The following RARB variants were observed in gnomAD, a reference collection of about 807,000 sequenced individuals.
The protein encoded by RARB is retinoic acid receptor beta.
Under a neutral mutation model 51.9 loss-of-function variants are expected in RARB, and 17 were observed. That is an observed-to-expected ratio of 0.33 (90% CI 0.22 to 0.49). RARB has a LOEUF of 0.49. Ranked by LOEUF, RARB falls within the 20% of genes least tolerant of loss-of-function variation. The pLI, the probability that RARB is intolerant of heterozygous loss-of-function variation, is 0.99. For synonymous variants in RARB, 215 were observed against 195.4 expected, an observed-to-expected ratio of 1.10 and a Z score of -0.84; for missense variants, 369 against 550.8, an observed-to-expected ratio of 0.67 and a Z score of 3.30.
At chr3:25,428,246 T>A (rs577942347), upstream of RARB, 3 of 1,232,162 alleles carry the variant, frequency 2.4e-6, no homozygotes, top group South Asian at 1.2e-4. Flanking sequence ...ATTAGGCAAT[T>A]CAATCTTTCA....
intron 2 of RARB, among the ~76,000 whole-genome samples, chr3:24,885,981 T>C (rs1703259020): frequency 6.6e-6 from 1 of 152,198 alleles, no homozygotes; most frequent in Admixed American, 6.5e-5. Flanking sequence ...TTTAGGGGAC[T>C]TTCAAGGGTA....
chr3:25,291,476 C>CTTTTT (rs199605013), intron 5 of RARB, among the ~76,000 whole-genome samples: 12,845 of 124,972 alleles, frequency 0.1, 848 homozygotes, highest in South Asian at 0.2. Flanking sequence ...CAGATGTTTG[C>CTTTTT]TTTTTTTTTT....
chr3:24,907,095 C>G (rs958730342), intron 2 of RARB, among the ~76,000 whole-genome samples: 1 of 151,962 alleles, frequency 6.6e-6, no homozygotes, highest in Admixed American at 6.6e-5. Context: ...TGGAGCACCC[C>G]CCATGTGATA....
chr3:25,410,076 G>A (rs376030601), intron 5 of RARB, among the ~76,000 whole-genome samples: 109 of 152,192 alleles, frequency 7.2e-4, no homozygotes, highest in African/African-American at 2.4e-3. Flanking sequence ...CCTATAATCC[G>A]TTCATCATTC....
intron 5 of RARB, among the ~76,000 whole-genome samples, chr3:25,228,095 A>G (rs1702094613): frequency 6.6e-6 from 1 of 152,044 alleles, no homozygotes; most frequent in Non-Finnish European, 1.5e-5. Flanking sequence ...CAAAAACTTC[A>G]CCAGAATATA....
intron 5 of RARB, among the ~76,000 whole-genome samples, chr3:25,349,456 T>G (rs1190569593): frequency 6.6e-6 from 1 of 152,206 alleles, no homozygotes; most frequent in Non-Finnish European, 1.5e-5. Flanking sequence ...AACTTCCTAC[T>G]TACAGAATTA....
intron 5 of RARB, among the ~76,000 whole-genome samples, chr3:25,421,946 A>G (rs1707875631): frequency 6.6e-6 from 1 of 152,182 alleles, no homozygotes; most frequent in African/African-American, 2.4e-5. Context: ...CTTTGAGAGC[A>G]CTATGCTGCA....
At chr3:24,972,126 A>G (rs187300163) in intron 2 of RARB, among the ~76,000 whole-genome samples, 3 of 151,982 alleles carry the variant, frequency 2.0e-5, no homozygotes, top group Admixed American at 2.0e-4. Flanking sequence ...CCATTAATCA[A>G]CCTCTCTTCA....
chr3:25,022,990 G>T (rs986102520), intron 2 of RARB, among the ~76,000 whole-genome samples: 4 of 152,176 alleles, frequency 2.6e-5, no homozygotes, highest in African/African-American at 9.7e-5. Context: ...AGATTGATCA[G>T]ATTTGCCCAA....
In RARB at chr3:25,116,431, C is replaced by CA. The variant is rs34050176; in HGVS notation, c.-327-15722dup. On this transcript the variant is annotated intron_variant, in intron 3 of 11. Coordinates refer to the RARB transcript ENST00000383772. ...AACAGAAACATCTTATTAAAGTTTACAAAAAAAACGAGTCGAGAATATAGG... is the reference window on the plus strand; with the variant it reads ...AACAGAAACATCTTATTAAAGTTTACAAAAAAAAACGAGTCGAGAATATAGG... Among the ~76,000 whole-genome samples the CA allele has an allele frequency of 4.6e-5, 7 of 151,494 alleles. No homozygotes were observed. In the South Asian group the frequency reaches 6.3e-4, roughly 14 times the overall value.
Position 25,024,190 on chromosome 3 carries a change from T to C in RARB, c.-379-35935T>C, listed in dbSNP as rs115015760. Among the ~76,000 whole-genome samples, 1,137 of 152,332 alleles carry C rather than the reference T, an allele frequency of 7.5e-3. 17 individuals carry two copies. The highest frequency in any genetic ancestry group is 0.026 in the African/African-American group (1,081 of 41,580). On this transcript the variant is annotated intron_variant, in intron 2 of 11. Transcript: ENST00000383772. ...AAACACATAGAAACTCATAAGACTT[T>C]TGTAGATTTTTCTTTGCAGCCCTGA...
chr3:25,355,980 A>G (rs1705722267), intron 5 of RARB, among the ~76,000 whole-genome samples: 1 of 152,140 alleles, frequency 6.6e-6, no homozygotes, highest in South Asian at 2.1e-4. Flanking sequence ...TACAAAGAAA[A>G]TGCTCATATC....
chr3:24,981,919 A>G (rs76024928), intron 2 of RARB, among the ~76,000 whole-genome samples: 1,628 of 152,248 alleles, frequency 0.011, 26 homozygotes, highest in East Asian at 0.085. Flanking sequence ...CCATCTTAGA[A>G]TCACCCCTAA....
chr3:25,318,252 A>C (rs75152189), intron 5 of RARB, among the ~76,000 whole-genome samples: 1,635 of 152,262 alleles, frequency 0.011, 36 homozygotes, highest in African/African-American at 0.037. Context: ...TAGCTAGTGC[A>C]GTTTTAGGTT....
At chr3:25,355,739 A>G (rs1267922252) in intron 5 of RARB, among the ~76,000 whole-genome samples, 1 of 152,158 alleles carries the variant, frequency 6.6e-6, no homozygotes, top group African/African-American at 2.4e-5. Context: ...GCATTTTCCA[A>G]ACCTCATAAT....
chr3:24,998,005 C>T (rs1185393373), intron 2 of RARB, among the ~76,000 whole-genome samples: 3 of 152,026 alleles, frequency 2.0e-5, no homozygotes, highest in South Asian at 2.1e-4. Flanking sequence ...TTTTTAACCT[C>T]GCAGTATACT....
chr3:25,514,943 G>A (rs79740164), intron 3 of RARB, among the ~76,000 whole-genome samples: 2,527 of 152,266 alleles, frequency 0.017, 82 homozygotes, highest in African/African-American at 0.057. Context: ...TTGTGTCCTT[G>A]GACTTTCAGC....
chr3:25,389,524 A>G (rs1706888933), intron 5 of RARB, among the ~76,000 whole-genome samples: 1 of 152,202 alleles, frequency 6.6e-6, no homozygotes, highest in African/African-American at 2.4e-5. Context: ...ACATTAAACT[A>G]CAGTAATACA....
At chr3:24,880,008 C>A (rs942488205) in intron 2 of RARB, among the ~76,000 whole-genome samples, 23 of 58,716 alleles carry the variant, frequency 3.9e-4, no homozygotes, top group Admixed American at 1.4e-3. Context: ...CCCTAATAGT[C>A]AAAGACATAA....
Sources: gnomAD v4.1 joint callset for allele counts (sites outside exome capture counted in the v4.1 genomes callset) on GRCh38, gnomAD v4.1.1 for gene constraint, MANE v1.5 for transcripts, NCBI Gene and HGNC (gene_info 2026-07-23, HGNC 2026-07-21) for gene names.